Variants in DMP1 observed in about 807,000 individuals in gnomAD.
DMP1 encodes the protein dentin matrix protein 1.
In DMP1, 20 loss-of-function variants were observed where a neutral mutation model predicts 14.6. That is an observed-to-expected ratio of 1.37 (90% CI 0.96 to 1.99). The LOEUF (loss-of-function observed/expected upper bound fraction) is 1.99. Among genes scored for constraint, DMP1 ranks in the 30% most tolerant of loss-of-function variants. The pLI is 0.00. For missense variants in DMP1, 567 were observed against 620.5 expected (o/e 0.91, Z 0.92); for synonymous variants, 197 against 215.3 (o/e 0.91, Z 0.75).
chr4:87,657,317 G>A (rs1728729253), intron 3 of DMP1: 2 of 341,622 alleles, frequency 5.9e-6, no homozygotes, highest in South Asian at 4.7e-5. Context: ...ATAGTACCAG[G>A]GGATGCATGA....
At chr4:87,650,687 G>T (rs1434925842) in intron 1 of DMP1, among the ~76,000 whole-genome samples, 1 of 152,084 alleles carries the variant, frequency 6.6e-6, no homozygotes, top group Non-Finnish European at 1.5e-5. Flanking sequence ...AGGTCATTTT[G>T]AAATTTAGTT....
At chr4:87,656,954 T>C in intron 2 of DMP1, 78 bp from the exon 3 acceptor site, 2 of 898,196 alleles carry the variant, frequency 2.2e-6, no homozygotes, top group South Asian at 2.7e-5. Context: ...CTATCCCTAC[T>C]CCTATGTATG....
chr4:87,662,704 C>T lies in DMP1; in HGVS notation c.926C>T (p.Pro309Leu), dbSNP rs896552448. Residue 309 changes from proline to leucine, a missense_variant, in exon 6 of 6, where the codon CCC becomes CTC. By Grantham distance (98) the Pro-to-Leu change is moderately conservative. Transcript: ENST00000339673. ...TCCAGAGACACTGGCCTCAGCCAAC[C>T]CAGGAGAGACAGCAAGGGTGACTCT... The part of the protein sequence containing the change: ...SNSRDTGLSQ[P>L]RRDSKGDSQE... The T allele has an allele frequency of 3.7e-6, 6 of 1,614,050 alleles. No individual in the cohort carries two copies. Among genetic ancestry groups the T allele is most frequent in the South Asian group, 1.1e-5 (1 of 91,060 alleles).
At chr4:87,657,159 T>C (rs943402772) in intron 3 of DMP1, 80 bp downstream of exon 3, 16 of 800,832 alleles carry the variant, frequency 2.0e-5, no homozygotes, top group South Asian at 2.0e-4. Flanking sequence ...ATTGCAAATA[T>C]TGAAACTGCT....
intron 1 of DMP1, among the ~76,000 whole-genome samples, chr4:87,655,615 A>T (rs957016333): frequency 1.3e-5 from 2 of 152,156 alleles, no homozygotes; most frequent in African/African-American, 4.8e-5. Flanking sequence ...AGCAAAAAAA[A>T]ATCTATTTTG....
At chr4:87,657,744 A>T (rs937627313) in intron 3 of DMP1, among the ~76,000 whole-genome samples, 1 of 152,200 alleles carries the variant, frequency 6.6e-6, no homozygotes, top group Admixed American at 6.5e-5. Flanking sequence ...CCAGTGTGTC[A>T]TATCCCTCTC....
chr4:87,663,843 A>G lies in DMP1; in HGVS notation c.*523A>G, dbSNP rs1729008460. 5.8e-6 allele frequency: 1 copy of G among 172,048 alleles called. No homozygotes were observed. Among genetic ancestry groups the G allele is most frequent in the African/African-American group, 2.4e-5 (1 of 41,708 alleles). The allele number at this position is 172,048 out of a possible 1,614,324, so 10.7% of individuals were successfully genotyped here. ...CTGGGAACACTGAGAAGGGTGACCA[A>G]TGCGTTGGAGAACGAGGGAGGGCTT... On this transcript the variant is annotated 3_prime_UTR_variant, in exon 6 of 6. Transcript: ENST00000339673.
rs1729020074 is a variant in DMP1, at chr4:87,664,134, G to A, written c.*814G>A. The A allele has an allele frequency of 6.6e-6, 1 of 152,068 alleles. No homozygotes were observed. The highest frequency in any genetic ancestry group is 1.5e-5 in the Non-Finnish European group (1 of 67,968). The allele number at this position is 152,068 out of a possible 1,614,324, so 9.4% of individuals were successfully genotyped here. ...TCACTGGTGATGATAAGAAGGATTG[G>A]GTCAGGAAGAGTGGGAGAAAGAAAT... is the stretch of plus-strand genomic sequence containing the variant. On this transcript the variant is annotated 3_prime_UTR_variant, in exon 6 of 6. Coordinates refer to ENST00000339673, the MANE Select transcript of DMP1 (RefSeq NM_004407.4).
chr4:87,655,382 C>A (rs780139471), intron 1 of DMP1, among the ~76,000 whole-genome samples: 4 of 152,112 alleles, frequency 2.6e-5, no homozygotes, highest in Non-Finnish European at 4.4e-5. Context: ...AAGTTACCCT[C>A]CAGAAAAATA....
At chr4:87,657,349 G>C in intron 3 of DMP1, 2 of 251,412 alleles carry the variant, frequency 8.0e-6, no homozygotes, top group South Asian at 1.6e-4. Flanking sequence ...GAGTCTTCAG[G>C]AGAGATTATG....
At chr4:87,656,359 A>G (rs2110012200) in intron 1 of DMP1, 113 bp from the exon 2 acceptor site, 2 of 738,046 alleles carry the variant, frequency 2.7e-6, no homozygotes, top group Non-Finnish European at 2.5e-6. Flanking sequence ...TTATTTATCC[A>G]TTCATCAGTT....
intron 1 of DMP1, among the ~76,000 whole-genome samples, chr4:87,652,660 C>G (rs1409182282): frequency 6.6e-6 from 1 of 152,158 alleles, no homozygotes; most frequent in Non-Finnish European, 1.5e-5. Context: ...GCATGCACTT[C>G]TTTGTGAGAA....
In DMP1 at chr4:87,662,359, TGGGAGGTGGCAGTGATG is replaced by T; in HGVS notation, c.587_603del (p.Gly196GlufsTer12). The T allele has an allele frequency of 6.2e-7, 1 of 1,613,504 alleles. No homozygotes were observed. The highest frequency in any genetic ancestry group is 1.1e-5 in the South Asian group (1 of 91,050). ...GAGAGTGAGAGTGAAGAGCACTGGG[TGGGAGGTGGCAGTGATG>T]GGGAGAGCAGCCATGGAGACGGCTC... On this transcript the variant is annotated frameshift_variant, in exon 6 of 6. Transcript: ENST00000339673. LOFTEE classifies it low-confidence loss of function (END_TRUNC).
chr4:87,656,922 T>G (rs1728714990), intron 2 of DMP1, 110 bp from the exon 3 acceptor site: 2 of 760,322 alleles, frequency 2.6e-6, no homozygotes, highest in Non-Finnish European at 4.7e-6. Context: ...TCCCAGTGAT[T>G]CTGATGCAGC....
intron 2 of DMP1, 79 bp from the exon 3 acceptor site, chr4:87,656,953 C>T: frequency 1.1e-6 from 1 of 895,488 alleles, no homozygotes; most frequent in East Asian, 2.4e-5. Context: ...ACTATCCCTA[C>T]TCCTATGTAT....
chr4:87,653,020 A>T (rs1447820591), intron 1 of DMP1, among the ~76,000 whole-genome samples: 1 of 152,162 alleles, frequency 6.6e-6, no homozygotes, highest in Admixed American at 6.5e-5. Flanking sequence ...AGTAACATCT[A>T]TTAAATTAAG....
chr4:87,658,499 A>C (rs961386295), intron 3 of DMP1, among the ~76,000 whole-genome samples: 1 of 152,098 alleles, frequency 6.6e-6, no homozygotes, highest in Non-Finnish European at 1.5e-5. Context: ...CTTTTACATG[A>C]CTCGAGAAGG....
At chr4:87,654,150 A>G (rs1728617356) in intron 1 of DMP1, among the ~76,000 whole-genome samples, 3 of 152,138 alleles carry the variant, frequency 2.0e-5, no homozygotes, top group African/African-American at 7.2e-5. Context: ...CTTATGACAT[A>G]CAATTAAACT....
At chr4:87,661,371 G>A (rs1728869951) in intron 5 of DMP1, among the ~76,000 whole-genome samples, 2 of 151,906 alleles carry the variant, frequency 1.3e-5, no homozygotes, top group Non-Finnish European at 2.9e-5. Context: ...ACAGGCGCCC[G>A]CCACCTCGCC....
Sources: allele counts gnomAD v4.1 joint callset (sites outside exome capture counted in the v4.1 genomes callset), GRCh38; gene constraint gnomAD v4.1.1; transcripts MANE v1.5; gene names NCBI Gene and HGNC (gene_info 2026-07-23, HGNC 2026-07-21).